Variants in SH3PXD2A observed in about 807,000 individuals in gnomAD.
The protein encoded by SH3PXD2A is SH3 and PX domains 2A.
Under a neutral mutation model 115.2 loss-of-function variants are expected in SH3PXD2A, and 32 were observed. The ratio of observed to expected loss-of-function variants is 0.28; its 90% confidence interval spans 0.21 to 0.37. The LOEUF is 0.37. SH3PXD2A is among the 10% of genes least tolerant of loss of function. The pLI is 1.00. For synonymous variants in SH3PXD2A, 610 were observed against 629.1 expected, an observed-to-expected ratio of 0.97 and a Z score of 0.45; for missense variants, 1,328 against 1,498.7, an observed-to-expected ratio of 0.89 and a Z score of 1.88.
At chr10:103,689,709 T>C (rs1220929336) in intron 6 of SH3PXD2A, among the ~76,000 whole-genome samples, 4 of 152,116 alleles carry the variant, frequency 2.6e-5, no homozygotes, top group Non-Finnish European at 5.9e-5. Context: ...ATGTTGGGCT[T>C]GAGCAATGGG....
intron 10 of SH3PXD2A, 85 bp from the exon 11 acceptor site, chr10:103,617,399 C>G: frequency 3.1e-6 from 3 of 968,812 alleles, no homozygotes; most frequent in Non-Finnish European, 4.9e-6. Flanking sequence ...CCTGGCCTGG[C>G]TTTTGCTCAA....
chr10:103,653,917 C>G (rs2037168900), intron 8 of SH3PXD2A, among the ~76,000 whole-genome samples: 1 of 151,940 alleles, frequency 6.6e-6, no homozygotes. Context: ...CCCACCCTCC[C>G]ACCTCCTGCT....
chr10:103,748,421 A>T (rs552072626), intron 3 of SH3PXD2A, among the ~76,000 whole-genome samples: 1 of 152,230 alleles, frequency 6.6e-6, no homozygotes, highest in South Asian at 2.1e-4. Flanking sequence ...GACGGGGTAC[A>T]TCTCAACCCT....
intron 4 of SH3PXD2A, among the ~76,000 whole-genome samples, chr10:103,735,194 G>T (rs985033210): frequency 2.0e-5 from 3 of 152,216 alleles, no homozygotes; most frequent in African/African-American, 7.2e-5. Context: ...TCCTTCTCCT[G>T]CCTGCTCTTT....
At chr10:103,717,762 G>C (rs946202501) in intron 5 of SH3PXD2A, among the ~76,000 whole-genome samples, 1 of 152,204 alleles carries the variant, frequency 6.6e-6, no homozygotes, top group African/African-American at 2.4e-5. Context: ...GAGTCCTGCC[G>C]GGCCAGTTTG....
intron 13 of SH3PXD2A, chr10:103,610,092 C>T (rs2036402157): frequency 2.0e-5 from 3 of 152,362 alleles, no homozygotes; most frequent in Admixed American, 2.0e-4. Context: ...CTTCCTCATC[C>T]TTCAAGGCTC....
At chr10:103,657,895 A>G (rs921135920) in intron 8 of SH3PXD2A, among the ~76,000 whole-genome samples, 2 of 152,186 alleles carry the variant, frequency 1.3e-5, no homozygotes, top group African/African-American at 2.4e-5. Context: ...AGCATTGCCA[A>G]CTTGGACTTC....
chr10:103,829,740 A>G (rs2039467058), intron 1 of SH3PXD2A, among the ~76,000 whole-genome samples: 1 of 152,282 alleles, frequency 6.6e-6, no homozygotes, highest in African/African-American at 2.4e-5. Context: ...GAACAAGGCA[A>G]GGTAAAAGCA....
At chr10:103,723,209 C>T (rs1246193333) in intron 5 of SH3PXD2A, among the ~76,000 whole-genome samples, 2 of 152,202 alleles carry the variant, frequency 1.3e-5, no homozygotes, top group Non-Finnish European at 2.9e-5. Context: ...TCTCCTTTCC[C>T]TCTGTAGTAG....
intron 6 of SH3PXD2A, among the ~76,000 whole-genome samples, chr10:103,674,877 AAAAC>A (rs1191259925): frequency 6.6e-6 from 1 of 152,158 alleles, no homozygotes; most frequent in Non-Finnish European, 1.5e-5. Flanking sequence ...CAAAAAAACA[AAAAC>A]AAACACCAAT....
chr10:103,648,881 C>CA (rs1210763380), intron 8 of SH3PXD2A, among the ~76,000 whole-genome samples: 2 of 152,238 alleles, frequency 1.3e-5, no homozygotes, highest in Non-Finnish European at 2.9e-5. Context: ...AGAAGTGGCT[C>CA]AGGGAAGCTC....
At chr10:103,849,693 G>A (rs1375974018) in intron 1 of SH3PXD2A, among the ~76,000 whole-genome samples, 1 of 152,216 alleles carries the variant, frequency 6.6e-6, no homozygotes, top group African/African-American at 2.4e-5. Context: ...ATCCGCCTCT[G>A]GAAGCCCTGA....
chr10:103,794,068 C>A (rs2134254941), intron 2 of SH3PXD2A, among the ~76,000 whole-genome samples: 1 of 152,296 alleles, frequency 6.6e-6, no homozygotes. Flanking sequence ...CACACCCACA[C>A]CCATATACAC....
chr10:103,816,953 C>G (rs1224101098), intron 1 of SH3PXD2A, among the ~76,000 whole-genome samples: 4 of 151,418 alleles, frequency 2.6e-5, no homozygotes, highest in Admixed American at 6.6e-5. Context: ...GCCTCAGCCT[C>G]CTGACTAGCT....
At chr10:103,713,166 C>G (rs1260692753) in intron 5 of SH3PXD2A, among the ~76,000 whole-genome samples, 1 of 152,176 alleles carries the variant, frequency 6.6e-6, no homozygotes, top group African/African-American at 2.4e-5. Context: ...TGCCCAAACT[C>G]CAACCACCCT....
Position 103,735,915 on chromosome 10 carries a change from G to A in SH3PXD2A, c.230-107C>T, listed in dbSNP as rs1261948935. The A allele has an allele frequency of 7.0e-6, 6 of 853,192 alleles. No individual in the cohort carries two copies. In the African/African-American group the frequency reaches 9.9e-5, roughly 14 times the overall value. 52.9% of individuals were successfully genotyped at this position (853,192 alleles called of 1,614,324 possible). ...TCAGCATCTTAGTCCAGCACTACCT[G>A]CCACCACCCCGTCCACGGTCAAGGA... On this transcript the variant is annotated intron_variant, in intron 3 of 14. Coordinates refer to ENST00000369774, the MANE Select transcript of SH3PXD2A (RefSeq NM_001394015.1).
chr10:103,678,707 C>T (rs1564861667), intron 6 of SH3PXD2A, among the ~76,000 whole-genome samples: 1 of 152,138 alleles, frequency 6.6e-6, no homozygotes, highest in Non-Finnish European at 1.5e-5. Context: ...AGATTCCTTC[C>T]CTGATGGAGG....
intron 2 of SH3PXD2A, among the ~76,000 whole-genome samples, chr10:103,769,246 C>A (rs2038793884): frequency 6.6e-6 from 1 of 151,752 alleles, no homozygotes; most frequent in South Asian, 2.1e-4. Flanking sequence ...CTCTAACACA[C>A]AATTTTAGGA....
At chr10:103,833,130 A>T (rs369760621) in intron 1 of SH3PXD2A, among the ~76,000 whole-genome samples, 1 of 152,228 alleles carries the variant, frequency 6.6e-6, no homozygotes, top group East Asian at 1.9e-4. Context: ...ACTCAAGGGT[A>T]TAGAATATTC....
Sources: allele counts gnomAD v4.1 joint callset (sites outside exome capture counted in the v4.1 genomes callset), GRCh38; gene constraint gnomAD v4.1.1; transcripts MANE v1.5; gene names NCBI Gene and HGNC (gene_info 2026-07-23, HGNC 2026-07-21).